The following RCC2 variants were observed in gnomAD, a reference collection of about 807,000 sequenced individuals.
RCC2 encodes the protein regulator of chromosome condensation 2, also known as protein RCC2.
A neutral mutation model predicts 64.1 loss-of-function variants in RCC2; 19 were observed. The ratio of observed to expected loss-of-function variants is 0.30; its 90% CI spans 0.21 to 0.44. RCC2 has a LOEUF of 0.44. RCC2 is among the 20% of genes least tolerant of loss of function. RCC2 has a pLI of 1.00. For missense variants in RCC2, 508 were observed against 710.4 expected, an observed-to-expected ratio of 0.72 and a Z score of 3.24; for synonymous variants, 325 against 279.6, an observed-to-expected ratio of 1.16 and a Z score of -1.62.
chr1:17,430,253 A>T (rs940786512), intron 2 of RCC2, among the ~76,000 whole-genome samples: 1 of 152,228 alleles, frequency 6.6e-6, no homozygotes, highest in Non-Finnish European at 1.5e-5. Flanking sequence ...GCAATGGCTC[A>T]CGCCTGTAAT....
chr1:17,420,097 G>A (rs1022360212), intron 7 of RCC2, among the ~76,000 whole-genome samples: 21 of 152,320 alleles, frequency 1.4e-4, no homozygotes, highest in African/African-American at 4.8e-4. Flanking sequence ...CCACAACCGG[G>A]AAGCGCACTT....
At chr1:17,423,101 G>A (rs2075573285) in intron 4 of RCC2, among the ~76,000 whole-genome samples, 1 of 152,214 alleles carries the variant, frequency 6.6e-6, no homozygotes, top group African/African-American at 2.4e-5. Context: ...TGCTACAAAG[G>A]GAAATGAGAG....
At position 17,406,824 on chromosome 1, in the gene RCC2, TA is replaced by T. The variant is rs1406919957; in HGVS notation, c.*2265del. The T allele has an allele frequency of 6.6e-6, 1 of 152,062 alleles. No homozygotes were observed. Among genetic ancestry groups the T allele is most frequent in the Non-Finnish European group, 1.5e-5 (1 of 67,970 alleles). The allele number at this position is 152,062 out of a possible 1,614,324, so 9.4% of individuals were successfully genotyped here. A position where few individuals can be genotyped will look rare whatever the true frequency, so the allele number is the denominator to read the frequency against. On this transcript the variant is annotated 3_prime_UTR_variant, in exon 13 of 13. Coordinates refer to ENST00000375436, the MANE Select transcript of RCC2 (RefSeq NM_018715.4). ...CCAAGAAATATATATATAAAAAAAA[TA>T]ATAAGACAATTACAGCACTAAACCA...
intron 5 of RCC2, 144 bp from the exon 6 acceptor site, chr1:17,422,435 G>C (rs558195256): frequency 7.6e-6 from 6 of 792,074 alleles, no homozygotes; most frequent in Non-Finnish European, 1.2e-5. Context: ...TGGCAGTGCA[G>C]ACGCTTCACA....
chr1:17,436,043 C>T (rs917028271), intron 2 of RCC2, among the ~76,000 whole-genome samples: 2 of 152,160 alleles, frequency 1.3e-5, no homozygotes, highest in Admixed American at 1.3e-4. Context: ...CACCGACAGC[C>T]CAAAGGATGG....
At chr1:17,414,480 A>T (rs550874633) in intron 8 of RCC2, among the ~76,000 whole-genome samples, 121 of 149,232 alleles carry the variant, frequency 8.1e-4, no homozygotes, top group African/African-American at 2.7e-3. Flanking sequence ...CAGTGAGCCG[A>T]GATAGCGTCA....
intron 7 of RCC2, 27 bp downstream of exon 7, chr1:17,420,687 G>A: frequency 7.0e-7 from 1 of 1,431,380 alleles, no homozygotes; most frequent in Non-Finnish European, 9.6e-7. Flanking sequence ...TTAGATTACA[G>A]AGCTTTTAAA....
In RCC2 at chr1:17,422,712, G is replaced by A. The variant is rs1245195473; in HGVS notation, c.648C>T (p.Ala216=). The A allele has an allele frequency of 6.2e-7, 1 of 1,614,000 alleles. No individual in the cohort carries two copies. Among genetic ancestry groups the A allele is most frequent in the Non-Finnish European group, 8.5e-7 (1 of 1,179,914 alleles). Residue 216 remains alanine, a synonymous_variant, in exon 5 of 13, where the codon GCC becomes GCT. Transcript: ENST00000375436. ...SAACGRNHTL[A]LTETGSVFAF... ...CAGCAGCCACCTCCTTACCCGTCAA[G>A]GCCAAGGTGTGGTTCCGCCCACATG...
intron 3 of RCC2, among the ~76,000 whole-genome samples, chr1:17,427,938 C>G (rs757400447): frequency 6.6e-6 from 1 of 152,144 alleles, no homozygotes; most frequent in African/African-American, 2.4e-5. Flanking sequence ...GGGTCTGGTC[C>G]CAATCACAGA....
chr1:17,426,239 G>T (rs2100380281), intron 3 of RCC2, among the ~76,000 whole-genome samples: 1 of 152,100 alleles, frequency 6.6e-6, no homozygotes, highest in South Asian at 2.1e-4. Context: ...TCTGAGGGGT[G>T]ACCCGAGTGT....
chr1:17,407,720 A>C lies in RCC2; in HGVS notation c.*1370T>G, dbSNP rs1470017264. 4.6e-5 allele frequency: 7 copies of C among 152,612 alleles called. No individual in the cohort carries two copies. Among genetic ancestry groups the C allele is most frequent in the African/African-American group, 1.7e-4 (7 of 41,442 alleles). 9.5% of individuals were successfully genotyped at this position (152,612 alleles called of 1,614,324 possible). A position where few individuals can be genotyped will look rare whatever the true frequency, so the allele number is the denominator to read the frequency against. ...TGGTAACAAAGCAAAAGAAAAAAAA[A>C]ACTTGAAGAGACCAATATTTAACTT... On this transcript the variant is annotated 3_prime_UTR_variant, in exon 13 of 13. Coordinates refer to ENST00000375436, the MANE Select transcript of RCC2 (RefSeq NM_018715.4).
intron 11 of RCC2, among the ~76,000 whole-genome samples, chr1:17,410,496 G>C (rs1033422635): frequency 3.3e-5 from 5 of 152,184 alleles, no homozygotes; most frequent in Non-Finnish European, 7.3e-5. Flanking sequence ...CAAAATAAAA[G>C]GGCTTAAGCG....
intron 7 of RCC2, among the ~76,000 whole-genome samples, chr1:17,417,838 T>C (rs1176947258): frequency 1.3e-5 from 2 of 151,662 alleles, no homozygotes; most frequent in Non-Finnish European, 2.9e-5. Flanking sequence ...CAGTCAGCCC[T>C]CCATGGCCAC....
intron 2 of RCC2, among the ~76,000 whole-genome samples, chr1:17,431,359 A>AAAAAAATATAT (rs1553158471): frequency 2.2e-5 from 1 of 44,932 alleles, no homozygotes; most frequent in African/African-American, 1.1e-4. Flanking sequence ...AAAAAAAAAA[A>AAAAAAATATAT]ATATATATAT....
intron 7 of RCC2, among the ~76,000 whole-genome samples, chr1:17,418,627 A>C (rs2075517219): frequency 6.6e-6 from 1 of 152,108 alleles, no homozygotes; most frequent in African/African-American, 2.4e-5. Context: ...ACTGCACTCC[A>C]GCCTGGTGAC....
rs759001110 is a variant in RCC2 at position 17,429,099 on chromosome 1, C to T, written c.379+7G>A. 1 of 1,612,240 alleles carries T rather than the reference C, an allele frequency of 6.2e-7. No individual in the cohort carries two copies. Among genetic ancestry groups the T allele is most frequent in the Non-Finnish European group, 8.5e-7 (1 of 1,178,282 alleles). On this transcript the variant is annotated splice_region_variant and intron_variant, in intron 3 of 12. Coordinates refer to ENST00000375436, the MANE Select transcript of RCC2 (RefSeq NM_018715.4). ...CTCAATGGGTTTTTGAGGCACCATT[C>T]TCATACCTTGCTGTTTAGGCACTTC...
chr1:17,419,120 C>T (rs952616205), intron 7 of RCC2, among the ~76,000 whole-genome samples: 5 of 152,218 alleles, frequency 3.3e-5, no homozygotes, highest in South Asian at 4.1e-4. Flanking sequence ...TTTGGGAGGC[C>T]GAGGCGGGTA....
At chr1:17,422,070 G>A in intron 6 of RCC2, 133 bp downstream of exon 6, 3 of 600,146 alleles carry the variant, frequency 5.0e-6, no homozygotes, top group Non-Finnish European at 8.7e-6. Context: ...AAACTCTACA[G>A]CATGTAACTA....
intron 2 of RCC2, among the ~76,000 whole-genome samples, chr1:17,436,340 C>T (rs1329283516): frequency 6.6e-6 from 1 of 152,070 alleles, no homozygotes; most frequent in Non-Finnish European, 1.5e-5. Context: ...CCAGCCTCTA[C>T]AAAAAGTACA....
Sources: allele counts gnomAD v4.1 joint callset (sites outside exome capture counted in the v4.1 genomes callset), GRCh38; gene constraint gnomAD v4.1.1; transcripts MANE v1.5; gene names NCBI Gene and HGNC (gene_info 2026-07-23, HGNC 2026-07-21).